TMTC2: variants seen among roughly 807,000 people sequenced by gnomAD.
TMTC2 encodes protein O-mannosyl-transferase TMTC2.
A neutral mutation model predicts 82.4 loss-of-function variants in TMTC2; 43 were observed. The observed-to-expected ratio is 0.52, with a 90% confidence interval of 0.41 to 0.67. The LOEUF is 0.67. TMTC2 is among the 30% of genes least tolerant of loss of function. The pLI is 0.00. For synonymous variants in TMTC2, 408 were observed against 381.9 expected (o/e 1.07, Z -0.80); for missense variants, 919 against 1,012.4 (o/e 0.91, Z 1.25).
intron 11 of TMTC2, among the ~76,000 whole-genome samples, chr12:83,088,601 G>A (rs983363249): frequency 2.0e-5 from 3 of 152,198 alleles, no homozygotes; most frequent in African/African-American, 7.2e-5. Flanking sequence ...GGCCCGAGGA[G>A]AAGGAGAAAG....
intron 1 of TMTC2, among the ~76,000 whole-genome samples, chr12:82,689,710 T>C (rs1303682737): frequency 3.3e-5 from 5 of 152,200 alleles, no homozygotes; most frequent in Non-Finnish European, 7.3e-5. Flanking sequence ...TTAGTTGTGC[T>C]TTGATGGTTG....
At chr12:82,948,484 A>C (rs1004940035) in intron 4 of TMTC2, among the ~76,000 whole-genome samples, 1 of 152,166 alleles carries the variant, frequency 6.6e-6, no homozygotes, top group Non-Finnish European at 1.5e-5. Context: ...CAAGCAAAAA[A>C]ATATATATAT....
chr12:83,037,255 A>G (rs532697596), intron 9 of TMTC2, among the ~76,000 whole-genome samples: 1 of 152,320 alleles, frequency 6.6e-6, no homozygotes, highest in East Asian at 1.9e-4. Flanking sequence ...TGAAATATGT[A>G]ATGAGTTGAA....
intron 11 of TMTC2, among the ~76,000 whole-genome samples, chr12:83,131,009 C>T (rs550147482): frequency 1.4e-4 from 21 of 152,172 alleles, no homozygotes; most frequent in Non-Finnish European, 2.4e-4. Flanking sequence ...ATTGATTTTA[C>T]GGTAAAGAGT....
At chr12:83,009,683 A>G (rs1880366327) in intron 8 of TMTC2, among the ~76,000 whole-genome samples, 1 of 151,870 alleles carries the variant, frequency 6.6e-6, no homozygotes, top group South Asian at 2.1e-4. Flanking sequence ...CCTTCTTTGT[A>G]CTCTTGAGAC....
chr12:82,930,059 T>C (rs1875943750), intron 3 of TMTC2, among the ~76,000 whole-genome samples: 1 of 152,146 alleles, frequency 6.6e-6, no homozygotes, highest in South Asian at 2.1e-4. Context: ...ATTTGTTTAT[T>C]TTAAGATCAT....
chr12:83,111,565 A>G (rs1206719903), intron 11 of TMTC2, among the ~76,000 whole-genome samples: 1 of 152,130 alleles, frequency 6.6e-6, no homozygotes, highest in African/African-American at 2.4e-5. Context: ...CCTCTCCCAT[A>G]TGTTCTGTAA....
chr12:83,111,759 A>ATGAG (rs1442565678), intron 11 of TMTC2, among the ~76,000 whole-genome samples: 1 of 152,180 alleles, frequency 6.6e-6, no homozygotes, highest in African/African-American at 2.4e-5. Context: ...TCATAAATGA[A>ATGAG]TGAGTGAGTG....
intron 8 of TMTC2, among the ~76,000 whole-genome samples, chr12:83,018,660 C>CG (rs1555205891): frequency 6.3e-5 from 4 of 63,672 alleles, no homozygotes; most frequent in South Asian, 2.0e-3. Context: ...ATAAAATTTG[C>CG]GGGTTTTTTT....
chr12:82,900,906 G>A (rs1041763862), intron 3 of TMTC2, among the ~76,000 whole-genome samples: 2 of 93,550 alleles, frequency 2.1e-5, no homozygotes, highest in African/African-American at 9.2e-5. Context: ...ATATATATAG[G>A]AATATATATA....
chr12:82,835,208 A>G (rs973318396), intron 1 of TMTC2, among the ~76,000 whole-genome samples: 2 of 152,162 alleles, frequency 1.3e-5, no homozygotes, highest in African/African-American at 4.8e-5. Flanking sequence ...ATTAGTCCTG[A>G]TTATTATGTG....
At chr12:83,018,460 A>G (rs1252043719) in intron 8 of TMTC2, among the ~76,000 whole-genome samples, 1 of 152,208 alleles carries the variant, frequency 6.6e-6, no homozygotes, top group African/African-American at 2.4e-5. Flanking sequence ...AACAAATGAG[A>G]AACACCCATT....
At chr12:82,806,509 T>G (rs1879248915) in intron 1 of TMTC2, among the ~76,000 whole-genome samples, 1 of 152,146 alleles carries the variant, frequency 6.6e-6, no homozygotes, top group Non-Finnish European at 1.5e-5. Flanking sequence ...CTTTGAATAA[T>G]GCACAGATTA....
intron 2 of TMTC2, among the ~76,000 whole-genome samples, chr12:82,877,459 T>C (rs1872639507): frequency 6.6e-6 from 1 of 152,120 alleles, no homozygotes; most frequent in Admixed American, 6.5e-5. Flanking sequence ...AAGTAGATAT[T>C]TTAAGACCTT....
intron 11 of TMTC2, among the ~76,000 whole-genome samples, chr12:83,116,953 T>C (rs908669242): frequency 6.6e-6 from 1 of 152,222 alleles, no homozygotes; most frequent in Non-Finnish European, 1.5e-5. Flanking sequence ...CTATTTATCT[T>C]TGTTTTTATT....
At chr12:82,711,368 C>T (rs1419592889) in intron 1 of TMTC2, among the ~76,000 whole-genome samples, 2 of 151,318 alleles carry the variant, frequency 1.3e-5, no homozygotes, top group African/African-American at 4.9e-5. Context: ...TACTGGGTAG[C>T]TTATATAAGT....
intron 8 of TMTC2, among the ~76,000 whole-genome samples, chr12:83,004,378 C>T (rs1316517653): frequency 6.6e-6 from 1 of 152,184 alleles, no homozygotes; most frequent in African/African-American, 2.4e-5. Flanking sequence ...GTACATCTGT[C>T]ATTTCAGCCA....
intron 7 of TMTC2, among the ~76,000 whole-genome samples, chr12:82,978,462 T>C (rs891740505): frequency 5.9e-5 from 9 of 151,824 alleles, no homozygotes; most frequent in Admixed American, 3.3e-4. Flanking sequence ...TATTTTGGTA[T>C]ATATGTTTAA....
chr12:83,002,495 G>A (rs1043220211), intron 8 of TMTC2, among the ~76,000 whole-genome samples: 10 of 152,070 alleles, frequency 6.6e-5, no homozygotes, highest in East Asian at 1.9e-4. Context: ...CTGTAGGTGC[G>A]ATGTTAGATT....
Sources: gnomAD v4.1 joint callset for allele counts (sites outside exome capture counted in the v4.1 genomes callset) on GRCh38, gnomAD v4.1.1 for gene constraint, MANE v1.5 for transcripts, NCBI Gene and HGNC (gene_info 2026-07-23, HGNC 2026-07-21) for gene names.